BICC1: variants seen among roughly 807,000 people sequenced by gnomAD.
BICC1 encodes the protein BicC family RNA binding protein 1.
Under a neutral mutation model 111.0 loss-of-function variants are expected in BICC1, and 43 were observed. That is an observed-to-expected ratio of 0.39 (90% CI 0.30 to 0.50). The LOEUF (loss-of-function observed/expected upper bound fraction) is 0.50, where lower values mean the gene tolerates loss of function less well. BICC1 is among the 20% of genes least tolerant of loss of function. The pLI is 0.88. For missense variants in BICC1, 1,091 were observed against 1,203.2 expected (o/e 0.91, Z 1.38); for synonymous variants, 467 against 434.4 (o/e 1.07, Z -0.93).
chr10:58,595,314 A>G (rs1174253243), intron 1 of BICC1, among the ~76,000 whole-genome samples: 1 of 152,198 alleles, frequency 6.6e-6, no homozygotes, highest in African/African-American at 2.4e-5. Context: ...AACGAGACAG[A>G]AAATTAACAA....
At chr10:58,673,174 A>G (rs1839233055) in intron 2 of BICC1, among the ~76,000 whole-genome samples, 1 of 152,224 alleles carries the variant, frequency 6.6e-6, no homozygotes, top group Non-Finnish European at 1.5e-5. Flanking sequence ...AATATTACTA[A>G]TAACTTTTTA....
chr10:58,794,944 A>G (rs947705603), intron 9 of BICC1, among the ~76,000 whole-genome samples: 1 of 152,206 alleles, frequency 6.6e-6, no homozygotes, highest in Non-Finnish European at 1.5e-5. Context: ...GAGTAAAAAA[A>G]GTATATTGCA....
At chr10:58,794,757 G>A (rs1381600905) in intron 9 of BICC1, among the ~76,000 whole-genome samples, 1 of 152,140 alleles carries the variant, frequency 6.6e-6, no homozygotes, top group Non-Finnish European at 1.5e-5. Flanking sequence ...TAAGAATGAG[G>A]AAAGAGGAAT....
chr10:58,588,691 C>T (rs1844506895), intron 1 of BICC1, among the ~76,000 whole-genome samples: 1 of 152,196 alleles, frequency 6.6e-6, no homozygotes, highest in African/African-American at 2.4e-5. Context: ...CACGATGTCA[C>T]AGGTACCATG....
chr10:58,659,042 A>G (rs913208985), intron 2 of BICC1, among the ~76,000 whole-genome samples: 2 of 152,184 alleles, frequency 1.3e-5, no homozygotes, highest in African/African-American at 2.4e-5. Context: ...ATATGTGTCT[A>G]TATAACTTTT....
At chr10:58,794,756 G>C (rs1432519170) in intron 9 of BICC1, among the ~76,000 whole-genome samples, 1 of 152,154 alleles carries the variant, frequency 6.6e-6, no homozygotes, top group Non-Finnish European at 1.5e-5. Context: ...GTAAGAATGA[G>C]GAAAGAGGAA....
At chr10:58,667,026 A>G (rs1588994348) in intron 2 of BICC1, among the ~76,000 whole-genome samples, 2 of 152,242 alleles carry the variant, frequency 1.3e-5, no homozygotes, top group South Asian at 4.1e-4. Context: ...TCTAGATGAA[A>G]GAGGCTTACA....
intron 3 of BICC1, among the ~76,000 whole-genome samples, chr10:58,766,446 C>G (rs1027793973): frequency 6.6e-6 from 1 of 152,100 alleles, no homozygotes; most frequent in Non-Finnish European, 1.5e-5. Flanking sequence ...AAAGCATACA[C>G]TTTTTTATTT....
chr10:58,591,082 T>C (rs1037389887), intron 1 of BICC1, among the ~76,000 whole-genome samples: 2 of 151,582 alleles, frequency 1.3e-5, no homozygotes, highest in African/African-American at 4.8e-5. Flanking sequence ...TGGCTCAGCA[T>C]TTTTTTTTCT....
chr10:58,612,355 C>T (rs1442979297), intron 1 of BICC1, among the ~76,000 whole-genome samples: 1 of 152,132 alleles, frequency 6.6e-6, no homozygotes, highest in Admixed American at 6.5e-5. Flanking sequence ...TCCTCTTTCA[C>T]TTGAATTGGC....
chr10:58,608,413 T>C (rs762223860), intron 1 of BICC1, among the ~76,000 whole-genome samples: 8 of 152,148 alleles, frequency 5.3e-5, no homozygotes, highest in South Asian at 2.1e-4. Context: ...CTCTGAGGCA[T>C]TGAAAAAAGA....
intron 1 of BICC1, among the ~76,000 whole-genome samples, chr10:58,575,777 C>T (rs1301083128): frequency 6.6e-6 from 1 of 152,022 alleles, no homozygotes; most frequent in African/African-American, 2.4e-5. Flanking sequence ...GTGATTGTTC[C>T]TTTTCAATGT....
At chr10:58,759,748 A>T (rs1842253159) in intron 3 of BICC1, among the ~76,000 whole-genome samples, 1 of 152,034 alleles carries the variant, frequency 6.6e-6, no homozygotes, top group South Asian at 2.1e-4. Flanking sequence ...TCACGAGGTC[A>T]GGAGATCGAG....
intron 8 of BICC1, 61 bp from the exon 9 acceptor site, chr10:58,793,423 T>C (rs936219907): frequency 6.9e-7 from 1 of 1,446,492 alleles, no homozygotes; most frequent in South Asian, 1.2e-5. Flanking sequence ...CATGTTAAAT[T>C]ATCAGGTGTT....
intron 3 of BICC1, among the ~76,000 whole-genome samples, chr10:58,772,279 AT>A (rs927140012): frequency 1.8e-4 from 27 of 151,832 alleles, no homozygotes; most frequent in African/African-American, 6.3e-4. Flanking sequence ...AATACACAAG[AT>A]TTTTTTTTAA....
intron 1 of BICC1, among the ~76,000 whole-genome samples, chr10:58,549,189 G>T (rs2131907468): frequency 1.3e-5 from 2 of 151,966 alleles, no homozygotes; most frequent in South Asian, 4.2e-4. Flanking sequence ...TTATATGGAT[G>T]ACAACAGTTC....
At chr10:58,544,418 T>C (rs1280089012) in intron 1 of BICC1, among the ~76,000 whole-genome samples, 2 of 152,170 alleles carry the variant, frequency 1.3e-5, no homozygotes, top group Non-Finnish European at 2.9e-5. Flanking sequence ...TAAATTAAAT[T>C]ATTGCTGGCT....
At chr10:58,644,311 C>CT (rs1838204923) in intron 2 of BICC1, among the ~76,000 whole-genome samples, 2 of 152,204 alleles carry the variant, frequency 1.3e-5, no homozygotes, top group African/African-American at 4.8e-5. Flanking sequence ...GGCTCAAAGA[C>CT]TTTGACTGAC....
chr10:58,676,839 T>C (rs1357546084), intron 2 of BICC1, among the ~76,000 whole-genome samples: 1 of 152,122 alleles, frequency 6.6e-6, no homozygotes, highest in African/African-American at 2.4e-5. Flanking sequence ...GGGAAAAAGC[T>C]TCCAGAGGAA....
Sources: allele counts gnomAD v4.1 joint callset (sites outside exome capture counted in the v4.1 genomes callset), GRCh38; gene constraint gnomAD v4.1.1; transcripts MANE v1.5; gene names NCBI Gene and HGNC (gene_info 2026-07-23, HGNC 2026-07-21).